HSD17B12: variants seen among roughly 807,000 people sequenced by gnomAD.
The protein encoded by HSD17B12 is very-long-chain 3-oxoacyl-CoA reductase.
Under a neutral mutation model 39.3 loss-of-function variants are expected in HSD17B12, and 32 were observed. That is an observed-to-expected ratio of 0.81 (90% CI 0.61 to 1.09). The LOEUF is 1.09. Among genes scored for constraint, HSD17B12 ranks in the 50% least tolerant of loss-of-function variants. The probability of loss-of-function intolerance (pLI) is 0.00; values close to 1 mark genes in which losing one functional copy is unlikely to be tolerated. For synonymous variants in HSD17B12, 150 were observed against 146.7 expected (o/e 1.02, Z -0.16); for missense variants, 342 against 382.9 (o/e 0.89, Z 0.89).
At chr11:43,716,718 G>A (rs1950126549) in intron 1 of HSD17B12, among the ~76,000 whole-genome samples, 1 of 145,924 alleles carries the variant, frequency 6.9e-6, no homozygotes, top group African/African-American at 2.5e-5. Context: ...ATTATATATT[G>A]TATTATATAT....
the HSD17B12 span, among the ~76,000 whole-genome samples, chr11:43,619,281 C>CAT: frequency 7.5e-3 from 767 of 102,428 alleles, 13 homozygotes; most frequent in African/African-American, 0.023. Flanking sequence ...ATGTAAAATC[C>CAT]ATATATATAT....
chr11:43,679,673 T>C (rs1949722433), upstream of HSD17B12, among the ~76,000 whole-genome samples: 1 of 152,190 alleles, frequency 6.6e-6, no homozygotes, highest in African/African-American at 2.4e-5. Context: ...TTAAAAGATA[T>C]AGTCTCCTTC....
At chr11:43,602,065 G>A in the HSD17B12 span, among the ~76,000 whole-genome samples, 11 of 152,296 alleles carry the variant, frequency 7.2e-5, no homozygotes, top group South Asian at 2.1e-3. Context: ...AGGTTTTGGG[G>A]AAGGAGTTTC....
chr11:43,793,342 T>G (rs907916686), intron 3 of HSD17B12, among the ~76,000 whole-genome samples: 4 of 152,172 alleles, frequency 2.6e-5, no homozygotes, highest in Admixed American at 2.6e-4. Flanking sequence ...TTGGAGCAGA[T>G]GTGGGGACAA....
chr11:43,603,505 T>C, the HSD17B12 span, among the ~76,000 whole-genome samples: 730 of 152,294 alleles, frequency 4.8e-3, 5 homozygotes, highest in African/African-American at 0.014. Flanking sequence ...AAAATCATTC[T>C]AAGTAGAAGA....
At chr11:43,719,238 A>G (rs1950154085) in intron 1 of HSD17B12, 1 of 577,062 alleles carries the variant, frequency 1.7e-6, no homozygotes, top group Non-Finnish European at 3.1e-6. Flanking sequence ...GAGGCCATAT[A>G]CAGGCATTGA....
At chr11:43,809,240 G>A (rs1260770693) in intron 4 of HSD17B12, among the ~76,000 whole-genome samples, 1 of 152,152 alleles carries the variant, frequency 6.6e-6, no homozygotes, top group Non-Finnish European at 1.5e-5. Flanking sequence ...CCCAGGCATT[G>A]GGTTAAAGAT....
chr11:43,773,557 T>A (rs1950669895), intron 3 of HSD17B12, among the ~76,000 whole-genome samples: 1 of 152,206 alleles, frequency 6.6e-6, no homozygotes, highest in African/African-American at 2.4e-5. Flanking sequence ...ACTTTGTTTC[T>A]TAGAGTAGTT....
chr11:43,644,876 CCTT>C, the HSD17B12 span: 3 of 152,108 alleles, frequency 2.0e-5, no homozygotes, highest in African/African-American at 7.2e-5. Flanking sequence ...TTGTGAAATG[CCTT>C]CTTATTAACT....
chr11:43,812,388 T>C (rs997277510), intron 4 of HSD17B12, among the ~76,000 whole-genome samples: 4 of 152,190 alleles, frequency 2.6e-5, no homozygotes, highest in African/African-American at 9.7e-5. Context: ...ATCTGTTATT[T>C]TTTGGCTTTT....
intron 4 of HSD17B12, among the ~76,000 whole-genome samples, chr11:43,809,617 A>G (rs1215299442): frequency 1.3e-5 from 2 of 152,086 alleles, no homozygotes; most frequent in African/African-American, 4.8e-5. Context: ...TCAGGAGTTC[A>G]AGACCAGCCT....
chr11:43,653,437 C>T, the HSD17B12 span, among the ~76,000 whole-genome samples: 34 of 152,188 alleles, frequency 2.2e-4, no homozygotes, highest in African/African-American at 8.0e-4. Flanking sequence ...TTTTAGGGTA[C>T]ATGTGCACAA....
At chr11:43,781,926 G>A (rs563882004) in intron 3 of HSD17B12, among the ~76,000 whole-genome samples, 2 of 152,176 alleles carry the variant, frequency 1.3e-5, no homozygotes, top group South Asian at 4.2e-4. Flanking sequence ...GAGACTAATG[G>A]TATTATATGT....
the HSD17B12 span, among the ~76,000 whole-genome samples, chr11:43,672,729 T>C: frequency 6.6e-6 from 1 of 151,568 alleles, no homozygotes; most frequent in African/African-American, 2.4e-5. Context: ...TTAGTAGAGA[T>C]GGGGTTTCAC....
chr11:43,648,500 T>C, the HSD17B12 span, among the ~76,000 whole-genome samples: 1 of 152,126 alleles, frequency 6.6e-6, no homozygotes, highest in African/African-American at 2.4e-5. Flanking sequence ...AGATGCATGA[T>C]TTGGCCGTTT....
the HSD17B12 span, among the ~76,000 whole-genome samples, chr11:43,655,697 T>C: frequency 3.3e-5 from 5 of 152,340 alleles, no homozygotes; most frequent in Middle Eastern, 3.4e-3. Flanking sequence ...GTTTATATGC[T>C]GGATTACGTT....
the HSD17B12 span, among the ~76,000 whole-genome samples, chr11:43,563,550 C>T: frequency 2.6e-5 from 4 of 152,238 alleles, no homozygotes; most frequent in Admixed American, 2.6e-4. Flanking sequence ...TGCAGTGGCT[C>T]ACCACTGTAA....
intron 3 of HSD17B12, among the ~76,000 whole-genome samples, chr11:43,788,268 A>C (rs1043844923): frequency 6.6e-6 from 1 of 152,162 alleles, no homozygotes; most frequent in Non-Finnish European, 1.5e-5. Flanking sequence ...TTACCTCAAG[A>C]AAAGATTCGT....
intron 9 of HSD17B12, among the ~76,000 whole-genome samples, chr11:43,840,558 G>A (rs1413695033): frequency 6.7e-6 from 1 of 149,886 alleles, no homozygotes; most frequent in Non-Finnish European, 1.5e-5. Context: ...CTTCCCTCCA[G>A]CCCCTGGCAA....
Sources: allele counts gnomAD v4.1 joint callset (sites outside exome capture counted in the v4.1 genomes callset), GRCh38; gene constraint gnomAD v4.1.1; transcripts MANE v1.5; gene names NCBI Gene and HGNC (gene_info 2026-07-23, HGNC 2026-07-21).